DCAF12: variants seen among roughly 807,000 people sequenced by gnomAD.
DCAF12 encodes DDB1 and CUL4 associated factor 12, also known as DDB1- and CUL4-associated factor 12.
In DCAF12, 28 loss-of-function variants were observed where a neutral mutation model predicts 52.8. The observed-to-expected ratio is 0.53, with a 90% CI of 0.39 to 0.73. The LOEUF is 0.73. Among genes scored for constraint, DCAF12 ranks in the 30% least tolerant of loss-of-function variants. The pLI is 0.00. For missense variants in DCAF12, 425 were observed against 552.2 expected (o/e 0.77, Z 2.31); for synonymous variants, 196 against 215.5 (o/e 0.91, Z 0.79).
chr9:34,121,321 C>T (rs370378220), intron 2 of DCAF12, among the ~76,000 whole-genome samples: 3 of 152,180 alleles, frequency 2.0e-5, no homozygotes, highest in Admixed American at 6.5e-5. Context: ...ATTTGCCCGT[C>T]GTGACAGTAT....
chr9:34,103,137 C>T (rs1244777312), intron 4 of DCAF12, among the ~76,000 whole-genome samples: 1 of 149,398 alleles, frequency 6.7e-6, no homozygotes, highest in Non-Finnish European at 1.5e-5. Flanking sequence ...AACAGCTGGG[C>T]GCAGTGGCTC....
intron 2 of DCAF12, among the ~76,000 whole-genome samples, chr9:34,117,555 T>C (rs1264820528): frequency 6.6e-6 from 1 of 152,148 alleles, no homozygotes; most frequent in African/African-American, 2.4e-5. Context: ...AGTCACCACA[T>C]AAACTTTGAC....
rs1828773722 is a variant in DCAF12, at chr9:34,098,429, A to AGG, written c.688_689dup (p.Val231LeufsTer11). On this transcript the variant is annotated frameshift_variant, in exon 5 of 9. Coordinates refer to ENST00000361264, the MANE Select transcript of DCAF12 (RefSeq NM_015397.4). LOFTEE classifies it high-confidence loss of function. Reference sequence around the variant, plus strand: ...CCTTGTGAGTGATGTGTGCATACACAGGGACCCGTGACACATTGTGTCTCG... The same window carrying AGG: ...CCTTGTGAGTGATGTGTGCATACACAGGGGGACCCGTGACACATTGTGTCTCG... The AGG allele has an allele frequency of 2.5e-6, 4 of 1,614,100 alleles. No individual in the cohort carries two copies. Among genetic ancestry groups the AGG allele is most frequent in the African/African-American group, 1.3e-5 (1 of 74,950 alleles).
At chr9:34,108,793 C>CAA (rs1234542589) in intron 2 of DCAF12, among the ~76,000 whole-genome samples, 74 of 81,188 alleles carry the variant, frequency 9.1e-4, no homozygotes, top group Admixed American at 2.3e-3. Context: ...GACTTGGTCT[C>CAA]AAAAAAAATA....
At position 34,118,101 on chromosome 9, in the gene DCAF12, A is replaced by T. The variant is rs754192562; in HGVS notation, c.333+6922T>A. Among the ~76,000 whole-genome samples the T allele has an allele frequency of 4.6e-5, 7 of 152,128 alleles. No individual in the cohort carries two copies. The East Asian group carries it at 1.4e-3, about 30-fold the overall frequency. ...TAAGAATCTTTATTTCTTCCTACCT[A>T]TAGAAGATGGAAATTGATTTATTTC... On this transcript the variant is annotated intron_variant, in intron 2 of 8. Coordinates refer to ENST00000361264, the MANE Select transcript of DCAF12 (RefSeq NM_015397.4).
intron 7 of DCAF12, among the ~76,000 whole-genome samples, chr9:34,093,076 C>G (rs1005737120): frequency 6.6e-6 from 1 of 152,166 alleles, no homozygotes; most frequent in Admixed American, 6.6e-5. Context: ...CTCAAACTCC[C>G]GACCTCAGGT....
intron 2 of DCAF12, among the ~76,000 whole-genome samples, chr9:34,124,640 T>G (rs1829220079): frequency 6.6e-6 from 1 of 152,226 alleles, no homozygotes; most frequent in South Asian, 2.1e-4. Flanking sequence ...CATACGTTCT[T>G]AGGCTGTTTT....
chr9:34,095,530 G>C (rs1325880515), intron 6 of DCAF12, among the ~76,000 whole-genome samples: 1 of 151,876 alleles, frequency 6.6e-6, no homozygotes, highest in Non-Finnish European at 1.5e-5. Context: ...TGGGACTACA[G>C]GCATATGCCA....
chr9:34,093,216 C>A, intron 7 of DCAF12, 70 bp downstream of exon 7: 1 of 1,582,804 alleles, frequency 6.3e-7, no homozygotes, highest in Non-Finnish European at 8.7e-7. Context: ...TGGAAACCAA[C>A]AAAGAAACTG....
At chr9:34,089,347 A>G in intron 8 of DCAF12, 65 bp downstream of exon 8, 1 of 1,489,522 alleles carries the variant, frequency 6.7e-7, no homozygotes, top group Admixed American at 2.0e-5. Context: ...GTGGGGGCTG[A>G]GAGATAGAGG....
intron 4 of DCAF12, among the ~76,000 whole-genome samples, chr9:34,102,677 A>AC (rs1554700289): frequency 1.3e-5 from 2 of 151,658 alleles, no homozygotes; most frequent in African/African-American, 2.4e-5. Context: ...AACAACAACA[A>AC]AAAACAAGAA....
At position 34,106,420 on chromosome 9, in the gene DCAF12, A is replaced by G; in HGVS notation, c.601+14T>C. ...CTGCCACATCAAAAGCTCCCTATAA[A>G]AGGGCAACTTTACCAGACACTGCCA... On this transcript the variant is annotated intron_variant, in intron 4 of 8. Coordinates refer to ENST00000361264, the MANE Select transcript of DCAF12 (RefSeq NM_015397.4). 6.3e-7 allele frequency: 1 copy of G among 1,598,286 alleles called. No individual in the cohort carries two copies. The highest frequency in any genetic ancestry group is 8.6e-7 in the Non-Finnish European group (1 of 1,168,870).
In DCAF12 at chr9:34,117,920, A is replaced by G. The variant is rs1379327641; in HGVS notation, c.333+7103T>C. On this transcript the variant is annotated intron_variant, in intron 2 of 8. Coordinates refer to ENST00000361264, the MANE Select transcript of DCAF12 (RefSeq NM_015397.4). ...CAAGAGCGAAACTCTGTCTCAAAAA[A>G]ACAAACAAAAAAAGAAATTATTCTT... Among the ~76,000 whole-genome samples, 5 of 152,182 alleles carry G rather than the reference A, an allele frequency of 3.3e-5. 1 individual carries two copies.
At chr9:34,115,192 A>C (rs1489620827) in intron 2 of DCAF12, among the ~76,000 whole-genome samples, 2 of 152,046 alleles carry the variant, frequency 1.3e-5, no homozygotes, top group Non-Finnish European at 2.9e-5. Context: ...AAAGCAGAAG[A>C]ATCTATTCAC....
chr9:34,119,705 T>G (rs1829142459), intron 2 of DCAF12, among the ~76,000 whole-genome samples: 1 of 149,230 alleles, frequency 6.7e-6, no homozygotes, highest in Non-Finnish European at 1.5e-5. Flanking sequence ...TTTTGCGGTT[T>G]TTTTTTTTTT....
chr9:34,123,759 C>T lies in DCAF12; in HGVS notation c.333+1264G>A, dbSNP rs545484028. Among the ~76,000 whole-genome samples the T allele has an allele frequency of 2.2e-3, 334 of 152,158 alleles. 1 individual carries two copies. The highest frequency in any genetic ancestry group is 4.6e-3 in the South Asian group (22 of 4,818). On this transcript the variant is annotated intron_variant, in intron 2 of 8. Coordinates refer to ENST00000361264, the MANE Select transcript of DCAF12 (RefSeq NM_015397.4). ...TTGCTAGGCTAAACACTATGATGCACGTGCGGGGAGTGGAATGAACTCTTC... is the reference window on the plus strand; with the variant it reads ...TTGCTAGGCTAAACACTATGATGCATGTGCGGGGAGTGGAATGAACTCTTC...
intron 4 of DCAF12, among the ~76,000 whole-genome samples, chr9:34,104,780 G>C (rs1223582010): frequency 6.6e-6 from 1 of 151,802 alleles, no homozygotes; most frequent in East Asian, 1.9e-4. Flanking sequence ...AGCCAGGCGT[G>C]GTGGTGGGCA....
Position 34,098,511 on chromosome 9 carries a change from C to T in DCAF12, c.608G>A (p.Arg203His). Residue 203 changes from arginine to histidine, a missense_variant, in exon 5 of 9, where the codon CGT (arginine) becomes CAT (histidine). Around this residue, in one of 3 missense-constraint regions of DCAF12, gnomAD observed 328 missense variants for 444.4 expected, o/e 0.74. Transcript: ENST00000361264. ...CTCCCAGAGTCCCATAGAACCATCA[C>T]GTGAGCCTGCAGGGCCAGGAGAACA... ...ISDTMAVSGS[R>H]DGSMGLWEVT... The T allele has an allele frequency of 1.2e-6, 2 of 1,612,560 alleles. No homozygotes were observed. The highest frequency in any genetic ancestry group is 1.1e-5 in the South Asian group (1 of 90,888).
intron 7 of DCAF12, among the ~76,000 whole-genome samples, chr9:34,090,456 T>C (rs1828625953): frequency 6.6e-6 from 1 of 152,154 alleles, no homozygotes; most frequent in South Asian, 2.1e-4. Flanking sequence ...AGTCATGTAA[T>C]TACTTTAGAT....
Sources: allele counts gnomAD v4.1 joint callset (sites outside exome capture counted in the v4.1 genomes callset), GRCh38; gene constraint gnomAD v4.1.1; regional missense constraint gnomAD v4.1.1; transcripts MANE v1.5; gene names NCBI Gene and HGNC (gene_info 2026-07-23, HGNC 2026-07-21).